The following MCTP1 variants were observed in gnomAD, a reference collection of about 807,000 sequenced individuals.
The protein encoded by MCTP1 is multiple C2 and transmembrane domain containing 1.
MCTP1 carries 69 observed loss-of-function variants against 120.6 expected under a neutral mutation model. The observed-to-expected ratio is 0.57, with a 90% CI of 0.47 to 0.70. The LOEUF (loss-of-function observed/expected upper bound fraction) is 0.70, where lower values mean the gene tolerates loss of function less well. MCTP1 is among the 30% of genes least tolerant of loss of function. MCTP1 has a pLI of 0.00. For missense variants in MCTP1, 1,203 were observed against 1,248.8 expected (o/e 0.96, Z 0.55); for synonymous variants, 529 against 493.1 (o/e 1.07, Z -0.96).
At chr5:95,006,030 G>A (rs910519092) in intron 2 of MCTP1, among the ~76,000 whole-genome samples, 3 of 152,068 alleles carry the variant, frequency 2.0e-5, no homozygotes, top group Non-Finnish European at 2.9e-5. Context: ...CATTTAACAT[G>A]CACATCTTTG....
chr5:95,235,596 TTAAAA>T (rs1248648348), intron 1 of MCTP1, among the ~76,000 whole-genome samples: 5 of 152,134 alleles, frequency 3.3e-5, no homozygotes, highest in African/African-American at 7.2e-5. Flanking sequence ...ACGCCTGAAC[TTAAAA>T]TAAAAGTTAG....
chr5:95,028,235 C>A (rs985701947), intron 1 of MCTP1, among the ~76,000 whole-genome samples: 14 of 152,046 alleles, frequency 9.2e-5, no homozygotes, highest in Non-Finnish European at 5.9e-5. Context: ...CAGGTAGAAA[C>A]AAAACTGTCC....
At chr5:94,716,127 A>C (rs1186213736) in intron 19 of MCTP1, among the ~76,000 whole-genome samples, 1 of 152,218 alleles carries the variant, frequency 6.6e-6, no homozygotes, top group Non-Finnish European at 1.5e-5. Context: ...GACCAAGGAC[A>C]TGGAGGCCAG....
chr5:95,125,601 C>T (rs964409752), intron 1 of MCTP1, among the ~76,000 whole-genome samples: 1 of 152,214 alleles, frequency 6.6e-6, no homozygotes, highest in African/African-American at 2.4e-5. Context: ...TGTTTTACTC[C>T]TAACACTCAT....
In MCTP1 at chr5:94,888,404, G is replaced by A. The variant is rs149027869; in HGVS notation, c.1933+475C>T. ...AAAATTATCTCTGGGATGTGCCAGG[G>A]AATTTGGGTGACTAATGAGTTGGAT... On this transcript the variant is annotated intron_variant, in intron 12 of 22. Transcript: ENST00000515393. Among the ~76,000 whole-genome samples, 938 of 152,274 alleles carry A rather than the reference G, an allele frequency of 6.2e-3. 4 individuals carry two copies. Among genetic ancestry groups the A allele is most frequent in the Non-Finnish European group, 0.011 (724 of 68,010 alleles).
intron 17 of MCTP1, among the ~76,000 whole-genome samples, chr5:94,819,302 T>C (rs1354195040): frequency 6.6e-6 from 1 of 152,028 alleles, no homozygotes; most frequent in Non-Finnish European, 1.5e-5. Flanking sequence ...GCTACTTTTT[T>C]GTATTTTTAG....
intron 1 of MCTP1, among the ~76,000 whole-genome samples, chr5:95,139,921 C>T (rs1759766442): frequency 6.6e-6 from 1 of 152,106 alleles, no homozygotes; most frequent in Admixed American, 6.6e-5. Context: ...ATAAAATGAT[C>T]CAGAGAAGAA....
intron 1 of MCTP1, among the ~76,000 whole-genome samples, chr5:95,099,395 G>C (rs1756534794): frequency 6.6e-6 from 1 of 151,026 alleles, no homozygotes. Context: ...CTAATAGCCA[G>C]AATCTGCAAT....
chr5:94,899,737 G>A (rs923264781), intron 10 of MCTP1, among the ~76,000 whole-genome samples: 1 of 152,118 alleles, frequency 6.6e-6, no homozygotes, highest in African/African-American at 2.4e-5. Context: ...GTGCACATGT[G>A]GCCATATGGA....
intron 12 of MCTP1, among the ~76,000 whole-genome samples, chr5:94,878,637 T>G (rs1799423490): frequency 6.6e-6 from 1 of 152,078 alleles, no homozygotes; most frequent in African/African-American, 2.4e-5. Flanking sequence ...AATAGAAAGT[T>G]GTTTACAATA....
Position 94,799,054 on chromosome 5 carries a change from A to G in MCTP1, c.2515T>C (p.Phe839Leu), listed in dbSNP as rs1324389041. ...VLLLLLTWNY[F>L]LIISGKDNRQ... Reference sequence around the variant, plus strand: ...TTATCTTTCCCTGATATTATCAAGAAGTAGTTCCATGTCAATAGTAACAAC... The same window carrying G: ...TTATCTTTCCCTGATATTATCAAGAGGTAGTTCCATGTCAATAGTAACAAC... The change falls in exon 18 of 23, where the codon TTC (phenylalanine) becomes CTC (leucine). Residue 839 changes from phenylalanine (F) to leucine (L), a missense_variant. Coordinates refer to ENST00000515393, the MANE Select transcript of MCTP1 (RefSeq NM_024717.7). 2 of 1,612,144 alleles carry G rather than the reference A, an allele frequency of 1.2e-6. No homozygotes were observed. The highest frequency in any genetic ancestry group is 1.7e-6 in the Non-Finnish European group (2 of 1,178,690).
At chr5:95,008,209 A>G (rs754197740) in intron 2 of MCTP1, among the ~76,000 whole-genome samples, 5 of 152,168 alleles carry the variant, frequency 3.3e-5, no homozygotes, top group Non-Finnish European at 5.9e-5. Context: ...GACAATTACC[A>G]TGACAATGAC....
At chr5:95,090,331 G>A (rs1262523500) in intron 1 of MCTP1, among the ~76,000 whole-genome samples, 1 of 152,048 alleles carries the variant, frequency 6.6e-6, no homozygotes, top group Non-Finnish European at 1.5e-5. Flanking sequence ...AAAAAAAATT[G>A]GTGCTAATTC....
intron 1 of MCTP1, among the ~76,000 whole-genome samples, chr5:95,050,273 C>T (rs1371182219): frequency 3.3e-5 from 5 of 152,006 alleles, no homozygotes; most frequent in South Asian, 4.1e-4. Flanking sequence ...AAATACAATT[C>T]CATAAATAAA....
intron 1 of MCTP1, among the ~76,000 whole-genome samples, chr5:95,146,863 G>A (rs1278312147): frequency 6.6e-6 from 1 of 152,044 alleles, no homozygotes; most frequent in African/African-American, 2.4e-5. Flanking sequence ...TGGTTGTTGG[G>A]TGCAGTATTC....
rs189750062 is a variant in MCTP1, at chr5:94,724,369, T to C, written c.2611-9483A>G. On this transcript the variant is annotated intron_variant, in intron 19 of 22. Coordinates refer to ENST00000515393, the MANE Select transcript of MCTP1 (RefSeq NM_024717.7). ...CAAGCAATCCTCCCACTTCAGCCTCTTGAGTAGCGGGGACCACAGGTGTGC... is the reference window on the plus strand; with the variant it reads ...CAAGCAATCCTCCCACTTCAGCCTCCTGAGTAGCGGGGACCACAGGTGTGC... Among the ~76,000 whole-genome samples, 735 of 151,656 alleles carry C rather than the reference T, an allele frequency of 4.8e-3. 1 individual carries two copies. Among genetic ancestry groups the C allele is most frequent in the Non-Finnish European group, 8.0e-3 (543 of 67,910 alleles).
chr5:94,733,963 G>GAAAA (rs34669127), intron 19 of MCTP1, among the ~76,000 whole-genome samples: 1 of 134,354 alleles, frequency 7.4e-6, no homozygotes, highest in African/African-American at 2.8e-5. Context: ...GACTCTGTCT[G>GAAAA]AAAAAAAAAA....
rs530632683 is a variant in MCTP1, at chr5:94,754,234, C to T, written c.2610+24876G>A. Reference sequence around the variant, plus strand: ...AGGTAAATACAAATTTAAGTAGATTCCTAAGAAGCACATTATGAACAGTGG... The same window carrying T: ...AGGTAAATACAAATTTAAGTAGATTTCTAAGAAGCACATTATGAACAGTGG... On this transcript the variant is annotated intron_variant, in intron 19 of 22. Transcript: ENST00000515393. 1.9e-4 allele frequency among the ~76,000 whole-genome samples: 29 copies of T among 152,216 alleles called. No homozygotes were observed. The East Asian group carries it at 4.6e-3, about 24-fold the overall frequency.
chr5:95,127,577 G>A (rs1019848468), intron 1 of MCTP1, among the ~76,000 whole-genome samples: 1 of 152,108 alleles, frequency 6.6e-6, no homozygotes, highest in Non-Finnish European at 1.5e-5. Context: ...ACAACCCATC[G>A]AGTCATTAAG....
Sources: allele counts gnomAD v4.1 joint callset (sites outside exome capture counted in the v4.1 genomes callset), GRCh38; gene constraint gnomAD v4.1.1; transcripts MANE v1.5; gene names NCBI Gene and HGNC (gene_info 2026-07-23, HGNC 2026-07-21).